CASZ1: variants seen among roughly 807,000 people sequenced by gnomAD.
CASZ1 encodes zinc finger protein castor homolog 1.
CASZ1 carries 28 observed loss-of-function variants against 135.2 expected under a neutral mutation model. The ratio of observed to expected loss-of-function variants is 0.21; its 90% confidence interval spans 0.15 to 0.28. The LOEUF (loss-of-function observed/expected upper bound fraction) is 0.28. CASZ1 is among the 10% of genes least tolerant of loss of function. The probability of loss-of-function intolerance (pLI) is 1.00; values close to 1 mark genes in which losing one functional copy is unlikely to be tolerated. For synonymous variants in CASZ1, 1,068 were observed against 1,073.4 expected (o/e 0.99, Z 0.10); for missense variants, 2,161 against 2,453.3 (o/e 0.88, Z 2.52).
At chr1:10,716,584 A>T (rs983424953) in intron 2 of CASZ1, among the ~76,000 whole-genome samples, 5 of 152,134 alleles carry the variant, frequency 3.3e-5, no homozygotes, top group Non-Finnish European at 5.9e-5. Context: ...CCCAAGCGAG[A>T]GCAGCAGAAC....
chr1:10,771,184 A>G (rs1640569900), intron 1 of CASZ1, among the ~76,000 whole-genome samples: 1 of 151,762 alleles, frequency 6.6e-6, no homozygotes, highest in South Asian at 2.1e-4. Flanking sequence ...GACAGGGAGC[A>G]ACCGCCCCAC....
At chr1:10,771,658 TC>T (rs1640579140) in intron 1 of CASZ1, among the ~76,000 whole-genome samples, 1 of 16,430 alleles carries the variant, frequency 6.1e-5, no homozygotes, top group African/African-American at 1.3e-4. Flanking sequence ...TTCACCTCTT[TC>T]CTCCTCCTCC....
chr1:10,715,343 T>C (rs1300380613), intron 2 of CASZ1, among the ~76,000 whole-genome samples: 1 of 152,084 alleles, frequency 6.6e-6, no homozygotes, highest in Non-Finnish European at 1.5e-5. Context: ...AGCAGTCCTG[T>C]ACCCGCGCTA....
At chr1:10,782,547 C>T (rs1356933286) in intron 1 of CASZ1, among the ~76,000 whole-genome samples, 1 of 152,204 alleles carries the variant, frequency 6.6e-6, no homozygotes, top group South Asian at 2.1e-4. Flanking sequence ...TGGGACTGAG[C>T]GGCAGGTCCC....
chr1:10,787,653 G>A (rs569674589), intron 1 of CASZ1, among the ~76,000 whole-genome samples: 3 of 151,598 alleles, frequency 2.0e-5, no homozygotes, highest in East Asian at 1.9e-4. Flanking sequence ...ACGATCACCC[G>A]CACACACACA....
intron 4 of CASZ1, among the ~76,000 whole-genome samples, chr1:10,689,196 T>G (rs2100392425): frequency 6.6e-6 from 1 of 152,270 alleles, no homozygotes; most frequent in Non-Finnish European, 1.5e-5. Context: ...ACCACTGACC[T>G]GGCAGGACCC....
rs1639557917 is a variant in CASZ1, at chr1:10,724,354, T to A, written c.-76-18810A>T. On this transcript the variant is annotated intron_variant, in intron 2 of 20. Transcript: ENST00000377022. The surrounding 1 kb of genome is among the most constrained non-coding windows in gnomAD (Gnocchi z 4.1). ...TAAAATATTTACCAGCCTGGCGAAGTGCCGAAGGTGCTTGGCACCGAGTGT... is the reference window on the plus strand; with the variant it reads ...TAAAATATTTACCAGCCTGGCGAAGAGCCGAAGGTGCTTGGCACCGAGTGT... 1.3e-5 allele frequency among the ~76,000 whole-genome samples: 2 copies of A among 152,248 alleles called. No individual in the cohort carries two copies.
Position 10,700,111 on chromosome 1 carries a change from A to ACACACACCCACC in CASZ1, c.-24+5380_-24+5381insGGTGGGTGTGTG, listed in dbSNP as rs1212625170. Among the ~76,000 whole-genome samples, 1 of 152,024 alleles carries ACACACACCCACC rather than the reference A, an allele frequency of 6.6e-6. No homozygotes were observed. The highest frequency in any genetic ancestry group is 2.0e-4 in the East Asian group (1 of 5,112). The stretch of plus-strand genomic sequence containing the variant: ...CACACACACACACACACACACACAC[A>ACACACACCCACC]CACACAGAGTATGAAGCAGGGACCT... On this transcript the variant is annotated intron_variant, in intron 3 of 20. Transcript: ENST00000377022. The surrounding 1 kb of genome is among the most constrained non-coding windows in gnomAD (Gnocchi z 4.2).
intron 2 of CASZ1, among the ~76,000 whole-genome samples, chr1:10,738,299 T>C (rs865818443): frequency 6.6e-6 from 1 of 152,126 alleles, no homozygotes; most frequent in Middle Eastern, 3.2e-3. Context: ...GAGCCCAGAA[T>C]GTCTCAGTCC....
chr1:10,795,671 C>G (rs898203019), intron 1 of CASZ1, among the ~76,000 whole-genome samples: 1 of 152,214 alleles, frequency 6.6e-6, no homozygotes, highest in African/African-American at 2.4e-5. Context: ...CCCGGCTCCC[C>G]GTGCCCTGTG....
chr1:10,745,755 T>A (rs1323655080), intron 2 of CASZ1, among the ~76,000 whole-genome samples: 1 of 152,172 alleles, frequency 6.6e-6, no homozygotes, highest in Non-Finnish European at 1.5e-5. Flanking sequence ...CCACTCATTA[T>A]CTCTGGCCAT....
chr1:10,690,855 C>G (rs779502346), intron 4 of CASZ1, among the ~76,000 whole-genome samples: 1 of 152,262 alleles, frequency 6.6e-6, no homozygotes, highest in African/African-American at 2.4e-5. Context: ...CTGCTCAGAG[C>G]TCCACCCGTG....
At position 10,665,458 on chromosome 1, in the gene CASZ1, C is replaced by G; in HGVS notation, c.130G>C (p.Val44Leu). 6.2e-7 allele frequency: 1 copy of G among 1,610,316 alleles called. No individual in the cohort carries two copies. Among genetic ancestry groups the G allele is most frequent in the Non-Finnish European group, 8.5e-7 (1 of 1,179,794 alleles). The change falls in exon 5 of 21, where the codon GTG becomes CTG. Residue 44 changes from valine to leucine, a missense_variant. Val to Leu is a conservative substitution (Grantham distance 32). Around this residue, in one of 7 missense-constraint regions of CASZ1, gnomAD observed 590 missense variants for 609.8 expected, o/e 0.97. Coordinates refer to ENST00000377022, the MANE Select transcript of CASZ1 (RefSeq NM_001079843.3). ...ICAKLSRQVV[V>L]EKRADAGSHT... ...GAGCCGGCGTCAGCTCGCTTCTCCA[C>G]CACCACCTGGCGGCTCAGCTTGGCG...
chr1:10,741,779 T>C lies in CASZ1; in HGVS notation c.-77+18922A>G, dbSNP rs1160703148. Among the ~76,000 whole-genome samples the C allele has an allele frequency of 1.3e-5, 2 of 152,024 alleles. No individual in the cohort carries two copies. Among genetic ancestry groups the C allele is most frequent in the Admixed American group, 1.3e-4 (2 of 15,272 alleles). ...TGTGTAGGAGTCTTTACAAACGACT[T>C]TTATACATATTTATATATATATATA... On this transcript the variant is annotated intron_variant, in intron 2 of 20. Transcript: ENST00000377022. This position sits in a 1 kb window ranked among gnomAD's most constrained non-coding sequence, Gnocchi z 5.0.
intron 2 of CASZ1, among the ~76,000 whole-genome samples, chr1:10,716,594 C>T (rs1476671092): frequency 2.0e-5 from 3 of 152,094 alleles, no homozygotes; most frequent in African/African-American, 4.8e-5. Flanking sequence ...AGCAGCAGAA[C>T]GAATGCCCCG....
intron 5 of CASZ1, among the ~76,000 whole-genome samples, chr1:10,663,174 T>A (rs1478417069): frequency 1.3e-5 from 2 of 152,142 alleles, no homozygotes; most frequent in East Asian, 3.9e-4. Flanking sequence ...AGGGAAGGCG[T>A]GGCTGGGGGG....
chr1:10,647,824 G>C lies in CASZ1; in HGVS notation c.3474C>G (p.Pro1158=). 1.2e-6 allele frequency: 2 copies of C among 1,613,808 alleles called. No individual in the cohort carries two copies. Among genetic ancestry groups the C allele is most frequent in the Non-Finnish European group, 1.7e-6 (2 of 1,180,028 alleles). ...SLENAKPQVK[P]GFLQFQENDP... is the part of the protein sequence containing the mutation. ...ACTTCTCCTGGAACTGGAGGAATCC[G>C]GGTTTGACCTGGGGCTTGGCGTTCT... is the stretch of plus-strand genomic sequence containing the variant. Residue 1158 remains proline, a synonymous_variant, in exon 16 of 21, where the codon CCC becomes CCG. Coordinates refer to ENST00000377022, the MANE Select transcript of CASZ1 (RefSeq NM_001079843.3). This position sits in a 1 kb window ranked among gnomAD's most constrained non-coding sequence, Gnocchi z 4.9.
intron 2 of CASZ1, among the ~76,000 whole-genome samples, chr1:10,728,967 C>T (rs1248252258): frequency 3.3e-5 from 5 of 152,158 alleles, no homozygotes; most frequent in African/African-American, 1.2e-4. Context: ...AACAAGAGGC[C>T]TTCCCCCCCC....
In CASZ1 at chr1:10,639,737, G is replaced by A. The variant is rs1369380752; in HGVS notation, c.4485C>T (p.Phe1495=). Residue 1495 remains phenylalanine (F), a synonymous_variant, in exon 21 of 21, where the codon TTC becomes TTT. Coordinates refer to ENST00000377022, the MANE Select transcript of CASZ1 (RefSeq NM_001079843.3). This position sits in a 1 kb window ranked among gnomAD's most constrained non-coding sequence, Gnocchi z 4.0. The part of the protein sequence containing the change: ...DNLVLDDFKR[F]KASLSCHFAD... ...CGAAGTGGCAGCTGAGTGAGGCCTTGAAGCGCTTGAAGTCGTCCAGCACCA... is the reference window on the plus strand; with the variant it reads ...CGAAGTGGCAGCTGAGTGAGGCCTTAAAGCGCTTGAAGTCGTCCAGCACCA... 2.1e-5 allele frequency: 33 copies of A among 1,592,882 alleles called. No individual in the cohort carries two copies. Among genetic ancestry groups the A allele is most frequent in the Non-Finnish European group, 2.8e-5 (33 of 1,170,564 alleles).
Sources: allele counts gnomAD v4.1 joint callset (sites outside exome capture counted in the v4.1 genomes callset), GRCh38; gene constraint gnomAD v4.1.1; regional missense constraint gnomAD v4.1.1; non-coding constraint Gnocchi (gnomAD v3.1); transcripts MANE v1.5; gene names NCBI Gene and HGNC (gene_info 2026-07-23, HGNC 2026-07-21).